TTC28: variants seen among roughly 807,000 people sequenced by gnomAD.
The protein encoded by TTC28 is tetratricopeptide repeat protein 28.
A neutral mutation model predicts 198.0 loss-of-function variants in TTC28; 61 were observed. That is an observed-to-expected ratio of 0.31 (90% confidence interval 0.25 to 0.38). The LOEUF (loss-of-function observed/expected upper bound fraction) is 0.38. Among genes scored for constraint, TTC28 ranks in the 10% least tolerant of loss-of-function variants. TTC28 has a pLI of 1.00. For missense variants in TTC28, 2,678 were observed against 3,164.0 expected, an observed-to-expected ratio of 0.85 and a Z score of 3.69; for synonymous variants, 1,171 against 1,297.8, an observed-to-expected ratio of 0.90 and a Z score of 2.10.
intron 2 of TTC28, among the ~76,000 whole-genome samples, chr22:28,552,908 T>C (rs2049706721): frequency 6.6e-6 from 1 of 152,094 alleles, no homozygotes. Context: ...TGCCTCAGCC[T>C]GTCGAGTGCC....
chr22:28,048,542 AC>A (rs1359250835), intron 12 of TTC28, among the ~76,000 whole-genome samples: 1 of 152,226 alleles, frequency 6.6e-6, no homozygotes, highest in Admixed American at 6.5e-5. Context: ...AAGCAAAACC[AC>A]AGACGTGGCA....
intron 2 of TTC28, among the ~76,000 whole-genome samples, chr22:28,443,408 T>C (rs1020550251): frequency 1.3e-5 from 2 of 152,232 alleles, no homozygotes; most frequent in Non-Finnish European, 2.9e-5. Context: ...ATTTCTCGTT[T>C]GTAAAATTTA....
intron 2 of TTC28, among the ~76,000 whole-genome samples, chr22:28,436,436 C>T (rs1198392455): frequency 6.6e-6 from 1 of 152,042 alleles, no homozygotes; most frequent in East Asian, 1.9e-4. Context: ...AGGGTATGGC[C>T]ATCTATGCCT....
At chr22:28,183,785 T>C (rs1923933443) in intron 5 of TTC28, among the ~76,000 whole-genome samples, 1 of 152,300 alleles carries the variant, frequency 6.6e-6, no homozygotes, top group East Asian at 1.9e-4. Context: ...CAGGATCTAT[T>C]TAGAATTTCT....
intron 2 of TTC28, among the ~76,000 whole-genome samples, chr22:28,459,224 C>G (rs1451008170): frequency 2.6e-5 from 4 of 151,976 alleles, no homozygotes; most frequent in Non-Finnish European, 2.9e-5. Flanking sequence ...CTCAGGAGTT[C>G]GAGACCAGCC....
At chr22:28,572,763 G>A (rs778753530) in intron 2 of TTC28, among the ~76,000 whole-genome samples, 4 of 152,094 alleles carry the variant, frequency 2.6e-5, no homozygotes, top group Admixed American at 6.6e-5. Context: ...ATTCTATTTC[G>A]TTTTGGGATT....
chr22:28,615,335 C>T (rs2050886260), intron 2 of TTC28, among the ~76,000 whole-genome samples: 4 of 152,192 alleles, frequency 2.6e-5, no homozygotes, highest in Admixed American at 2.6e-4. Context: ...AATAGGAACA[C>T]TTTTACACTG....
intron 2 of TTC28, among the ~76,000 whole-genome samples, chr22:28,336,535 A>G (rs1161814038): frequency 3.3e-5 from 5 of 152,144 alleles, no homozygotes; most frequent in Non-Finnish European, 7.3e-5. Context: ...TGGTCTATTC[A>G]GAGATTCAAC....
chr22:28,237,621 T>C (rs758713552), intron 5 of TTC28, among the ~76,000 whole-genome samples: 1 of 152,228 alleles, frequency 6.6e-6, no homozygotes, highest in Non-Finnish European at 1.5e-5. Flanking sequence ...CTGTGTTACC[T>C]AGTCAAACAT....
chr22:28,022,112 A>G (rs1240822304), intron 13 of TTC28, among the ~76,000 whole-genome samples: 1 of 152,228 alleles, frequency 6.6e-6, no homozygotes, highest in African/African-American at 2.4e-5. Flanking sequence ...GGCAGCAGAA[A>G]GCCTGTGGCC....
At chr22:28,148,174 A>G (rs1188445881) in intron 6 of TTC28, among the ~76,000 whole-genome samples, 2 of 152,242 alleles carry the variant, frequency 1.3e-5, no homozygotes, top group Non-Finnish European at 2.9e-5. Flanking sequence ...GACCATGTAA[A>G]GGAGGGAGAA....
chr22:28,227,792 G>A (rs1928466963), intron 5 of TTC28, among the ~76,000 whole-genome samples: 1 of 151,742 alleles, frequency 6.6e-6, no homozygotes, highest in Non-Finnish European at 1.5e-5. Context: ...TACAACCATT[G>A]TAAAAAACAG....
Position 28,172,969 on chromosome 22 carries a change from G to A in TTC28, c.934-9370C>T, listed in dbSNP as rs554367137. On this transcript the variant is annotated intron_variant, in intron 5 of 22. Transcript: ENST00000397906. ...GATGGCATCAGATGAAGCAGTGCAT[G>A]TGAGTGCCTTCAGTAAACTATAGAG... 9.2e-4 allele frequency among the ~76,000 whole-genome samples: 140 copies of A among 152,312 alleles called. 1 individual carries two copies. The highest frequency in any genetic ancestry group is 3.2e-3 in the African/African-American group (133 of 41,560).
At chr22:28,556,284 G>A (rs1201839778) in intron 2 of TTC28, among the ~76,000 whole-genome samples, 2 of 152,088 alleles carry the variant, frequency 1.3e-5, no homozygotes, top group East Asian at 1.9e-4. Flanking sequence ...ACTTGAACTC[G>A]GGAGGCAGAG....
At chr22:28,408,738 G>A (rs557551981) in intron 2 of TTC28, among the ~76,000 whole-genome samples, 1 of 152,288 alleles carries the variant, frequency 6.6e-6, no homozygotes, top group Non-Finnish European at 1.5e-5. Flanking sequence ...TTCTACAGAT[G>A]ACTTACAATG....
In TTC28 at chr22:28,215,994, A is replaced by G. The variant is rs548819276; in HGVS notation, c.934-52395T>C. ...GTACTGTGAATGAAAAGCATCCTAC[A>G]CCATGTTACAGACATTTGTTAAGCC... On this transcript the variant is annotated intron_variant, in intron 5 of 22. Coordinates refer to ENST00000397906, the MANE Select transcript of TTC28 (RefSeq NM_001145418.2). Among the ~76,000 whole-genome samples, 5 of 152,308 alleles carry G rather than the reference A, an allele frequency of 3.3e-5. No homozygotes were observed. The South Asian group carries it at 8.3e-4, about 25-fold the overall frequency.
At chr22:28,130,493 G>C (rs1270772338) in intron 6 of TTC28, among the ~76,000 whole-genome samples, 1 of 152,118 alleles carries the variant, frequency 6.6e-6, no homozygotes, top group Non-Finnish European at 1.5e-5. Flanking sequence ...AATCCTGTGA[G>C]TACCCTATCA....
intron 2 of TTC28, among the ~76,000 whole-genome samples, chr22:28,577,687 G>A (rs1013831713): frequency 2.0e-5 from 3 of 152,000 alleles, no homozygotes; most frequent in African/African-American, 4.8e-5. Flanking sequence ...ATATCCTCTT[G>A]CTGAACTGAC....
At chr22:28,257,119 T>C (rs1224174917) in intron 5 of TTC28, among the ~76,000 whole-genome samples, 1 of 152,148 alleles carries the variant, frequency 6.6e-6, no homozygotes, top group Non-Finnish European at 1.5e-5. Context: ...GGTGAGGATG[T>C]AGAGAATGAG....
Sources: gnomAD v4.1 joint callset for allele counts (sites outside exome capture counted in the v4.1 genomes callset) on GRCh38, gnomAD v4.1.1 for gene constraint, MANE v1.5 for transcripts, NCBI Gene and HGNC (gene_info 2026-07-23, HGNC 2026-07-21) for gene names.